The following STXBP3 variants were observed in gnomAD, a reference collection of about 807,000 sequenced individuals.
The protein encoded by STXBP3 is syntaxin-binding protein 3.
Under a neutral mutation model 85.7 loss-of-function variants are expected in STXBP3, and 41 were observed. The observed-to-expected ratio is 0.48, with a 90% CI of 0.37 to 0.62. The LOEUF is 0.62. STXBP3 is among the 20% of genes least tolerant of loss of function. The pLI, the probability that STXBP3 is intolerant of heterozygous loss-of-function variation, is 0.00. For missense variants in STXBP3, 563 were observed against 703.1 expected, an observed-to-expected ratio of 0.80 and a Z score of 2.25; for synonymous variants, 229 against 231.7, an observed-to-expected ratio of 0.99 and a Z score of 0.10.
intron 6 of STXBP3, among the ~76,000 whole-genome samples, chr1:108,761,949 G>A (rs947390736): frequency 2.6e-5 from 4 of 152,002 alleles, no homozygotes; most frequent in South Asian, 2.1e-4. Flanking sequence ...CTCCAGCCTG[G>A]GCAACAGAGC....
intron 11 of STXBP3, among the ~76,000 whole-genome samples, chr1:108,785,359 C>T (rs1662803196): frequency 6.6e-6 from 1 of 152,176 alleles, no homozygotes; most frequent in Non-Finnish European, 1.5e-5. Context: ...TGTAAGCCAC[C>T]AGCTTGCACC....
intron 6 of STXBP3, among the ~76,000 whole-genome samples, chr1:108,765,955 C>T (rs1355049116): frequency 6.7e-6 from 1 of 149,352 alleles, no homozygotes; most frequent in Non-Finnish European, 1.5e-5. Flanking sequence ...TGGGCTCAAG[C>T]GATTTTCCTG....
At chr1:108,794,697 C>G (rs1194884020) in intron 12 of STXBP3, 130 bp from the exon 13 acceptor site, 2 of 700,340 alleles carry the variant, frequency 2.9e-6, no homozygotes, top group Non-Finnish European at 4.8e-6. Context: ...TGAGCTGTTC[C>G]CTTGCTTACA....
intron 1 of STXBP3, among the ~76,000 whole-genome samples, chr1:108,749,036 G>C (rs1407577364): frequency 6.6e-6 from 1 of 152,206 alleles, no homozygotes; most frequent in African/African-American, 2.4e-5. Context: ...TCTGACAGCT[G>C]TGTGAAAAAT....
intron 6 of STXBP3, among the ~76,000 whole-genome samples, 176 bp from the exon 7 acceptor site, chr1:108,772,489 C>T (rs1466226044): frequency 7.0e-6 from 1 of 142,956 alleles, no homozygotes; most frequent in Non-Finnish European, 1.5e-5. Context: ...TATATAAATA[C>T]ATGATATCTA....
At chr1:108,787,639 C>G (rs1418164198) in intron 11 of STXBP3, among the ~76,000 whole-genome samples, 1 of 152,010 alleles carries the variant, frequency 6.6e-6, no homozygotes, top group Middle Eastern at 3.2e-3. Context: ...GCGTCCTTGT[C>G]TCATTCCCAG....
intron 6 of STXBP3, among the ~76,000 whole-genome samples, chr1:108,765,729 C>T (rs942484781): frequency 4.0e-5 from 6 of 151,580 alleles, no homozygotes; most frequent in African/African-American, 7.3e-5. Context: ...TACCCCCACG[C>T]GGGGCTAATG....
At chr1:108,758,436 T>G in intron 4 of STXBP3, 74 bp from the exon 5 acceptor site, 3 of 730,064 alleles carry the variant, frequency 4.1e-6, no homozygotes, top group Non-Finnish European at 6.3e-6. Context: ...TAAAATAATC[T>G]TAGTCATTTC....
intron 12 of STXBP3, among the ~76,000 whole-genome samples, chr1:108,794,585 C>T (rs757983976): frequency 6.6e-6 from 1 of 152,204 alleles, no homozygotes; most frequent in Non-Finnish European, 1.5e-5. Context: ...TCAGGTCCCT[C>T]CCACAACACA....
At chr1:108,757,942 T>A (rs529636738) in intron 4 of STXBP3, among the ~76,000 whole-genome samples, 2 of 152,106 alleles carry the variant, frequency 1.3e-5, no homozygotes, top group South Asian at 4.1e-4. Flanking sequence ...GGGTTGTTAG[T>A]GACCTAGATA....
rs1293437587 is a variant in STXBP3, at chr1:108,756,682, C to T, written c.182-8C>T. 4.0e-6 allele frequency: 6 copies of T among 1,511,718 alleles called. No individual in the cohort carries two copies. The highest frequency in any genetic ancestry group is 4.0e-5 in the Admixed American group (2 of 49,812). The allele number at this position is 1,511,718 out of a possible 1,614,324, so 93.6% of individuals were successfully genotyped here. A position where few individuals can be genotyped will look rare whatever the true frequency, so the allele number is the denominator to read the frequency against. ...TTGGTTATATAAAATGACCTTTTTT[C>T]TTGTTAGTTGTAGAGAATATTTATA... On this transcript the variant is annotated splice_region_variant and splice_polypyrimidine_tract_variant and intron_variant, in intron 3 of 18. Coordinates refer to ENST00000370008, the MANE Select transcript of STXBP3 (RefSeq NM_007269.4).
intron 14 of STXBP3, 65 bp downstream of exon 14, chr1:108,796,437 TGAAA>T (rs1663101703): frequency 7.8e-7 from 1 of 1,276,722 alleles, no homozygotes; most frequent in South Asian, 1.5e-5. Context: ...CTTTGAAAAC[TGAAA>T]GATAGTTGCT....
chr1:108,785,846 T>C (rs1271871916), intron 11 of STXBP3, among the ~76,000 whole-genome samples: 1 of 152,168 alleles, frequency 6.6e-6, no homozygotes, highest in Non-Finnish European at 1.5e-5. Context: ...TCACCTTTGC[T>C]CTAGTTCCCA....
chr1:108,784,885 TTAAATC>T (rs1662792842), intron 11 of STXBP3, among the ~76,000 whole-genome samples: 1 of 152,198 alleles, frequency 6.6e-6, no homozygotes, highest in Non-Finnish European at 1.5e-5. Flanking sequence ...AGGGCAGTCA[TTAAATC>T]TTAAAGTTCC....
At chr1:108,781,207 C>T (rs1479302526) in intron 9 of STXBP3, 3 of 152,144 alleles carry the variant, frequency 2.0e-5, no homozygotes. Context: ...CACAGTGATT[C>T]TGTCTTTGGT....
intron 4 of STXBP3, among the ~76,000 whole-genome samples, chr1:108,757,186 A>G (rs145120868): frequency 1.6e-3 from 242 of 152,154 alleles, no homozygotes; most frequent in African/African-American, 5.7e-3. Context: ...GTGTATGTAT[A>G]TATTTTATGT....
intron 7 of STXBP3, among the ~76,000 whole-genome samples, chr1:108,776,030 G>A (rs1025147792): frequency 7.9e-5 from 12 of 151,820 alleles, no homozygotes; most frequent in African/African-American, 2.7e-4. Flanking sequence ...TTGAGGCAGG[G>A]GTATGGGAGA....
chr1:108,769,651 A>T (rs1662340247), intron 6 of STXBP3, among the ~76,000 whole-genome samples: 2 of 152,150 alleles, frequency 1.3e-5, no homozygotes, highest in Non-Finnish European at 2.9e-5. Context: ...ACTTTTAATG[A>T]TGGTGATGGA....
intron 11 of STXBP3, among the ~76,000 whole-genome samples, chr1:108,788,839 A>T (rs1324214210): frequency 6.6e-6 from 1 of 152,106 alleles, no homozygotes; most frequent in Non-Finnish European, 1.5e-5. Context: ...AGGCAGACGG[A>T]TCACCTGAGG....
Sources: gnomAD v4.1 joint callset for allele counts (sites outside exome capture counted in the v4.1 genomes callset) on GRCh38, gnomAD v4.1.1 for gene constraint, MANE v1.5 for transcripts, NCBI Gene and HGNC (gene_info 2026-07-23, HGNC 2026-07-21) for gene names.